The following SH3BP4 variants were observed in gnomAD, a reference collection of about 807,000 sequenced individuals.
SH3BP4 encodes the protein SH3 domain binding protein 4.
Under a neutral mutation model 65.5 loss-of-function variants are expected in SH3BP4, and 33 were observed. That is an observed-to-expected ratio of 0.50 (90% CI 0.38 to 0.67). The LOEUF (loss-of-function observed/expected upper bound fraction) is 0.67, where lower values mean the gene tolerates loss of function less well. SH3BP4 is among the 30% of genes least tolerant of loss of function. The pLI, the probability that SH3BP4 is intolerant of heterozygous loss-of-function variation, is 0.00. For synonymous variants in SH3BP4, 552 were observed against 545.5 expected (o/e 1.01, Z -0.17); for missense variants, 1,134 against 1,261.4 (o/e 0.90, Z 1.53).
chr2:235,045,656 T>C lies in SH3BP4; in HGVS notation c.2478+2409T>C, dbSNP rs1467409517. Among the ~76,000 whole-genome samples, 1 of 147,528 alleles carries C rather than the reference T, an allele frequency of 6.8e-6. No homozygotes were observed. ...TGTCAGTCATCATCTTGGCCAAACT[T>C]ATAGAAACCACAGACGGATTTCTCC... On this transcript the variant is annotated intron_variant, in intron 4 of 5. Coordinates refer to ENST00000392011, the MANE Select transcript of SH3BP4 (RefSeq NM_014521.3). The surrounding 1 kb of genome is among the most constrained non-coding windows in gnomAD (Gnocchi z 4.3).
chr2:235,002,439 A>T (rs1401871909), intron 2 of SH3BP4, among the ~76,000 whole-genome samples: 1 of 152,136 alleles, frequency 6.6e-6, no homozygotes, highest in Non-Finnish European at 1.5e-5. Context: ...TGAAGTCATC[A>T]AACCAAGGTC....
chr2:234,969,395 G>A (rs1214854141), intron 1 of SH3BP4, among the ~76,000 whole-genome samples: 2 of 152,142 alleles, frequency 1.3e-5, no homozygotes, highest in African/African-American at 2.4e-5. Context: ...GCCCTGGGAC[G>A]TCCCAGTGTG....
intron 1 of SH3BP4, among the ~76,000 whole-genome samples, chr2:234,993,690 A>C (rs549738109): frequency 6.6e-6 from 1 of 152,298 alleles, no homozygotes; most frequent in South Asian, 2.1e-4. Flanking sequence ...GAGATTTTCA[A>C]CTGTTCTGTC....
chr2:234,979,190 G>A (rs1432497721), intron 1 of SH3BP4, among the ~76,000 whole-genome samples: 5 of 152,138 alleles, frequency 3.3e-5, no homozygotes, highest in African/African-American at 1.2e-4. Flanking sequence ...CAAAAACAAT[G>A]AACACTTGTG....
intron 1 of SH3BP4, among the ~76,000 whole-genome samples, chr2:234,987,232 C>T (rs900370309): frequency 3.3e-5 from 5 of 151,800 alleles, no homozygotes; most frequent in Non-Finnish European, 7.4e-5. Flanking sequence ...TGAATGCTGG[C>T]GTTTGAGAAC....
Position 234,977,585 on chromosome 2 carries a change from G to A in SH3BP4, c.-206-17718G>A, listed in dbSNP as rs775686390. Among the ~76,000 whole-genome samples the A allele has an allele frequency of 2.0e-5, 3 of 152,166 alleles. No individual in the cohort carries two copies. The highest frequency in any genetic ancestry group is 6.5e-5 in the Admixed American group (1 of 15,284). ...ACTGGCAGGTGTTGGACCTGTGGCCGTGGTGCCAGCCCCCACTAATCCCAT... is the reference window on the plus strand; with the variant it reads ...ACTGGCAGGTGTTGGACCTGTGGCCATGGTGCCAGCCCCCACTAATCCCAT... On this transcript the variant is annotated intron_variant, in intron 1 of 5. Transcript: ENST00000392011. The surrounding 1 kb of genome is among the most constrained non-coding windows in gnomAD (Gnocchi z 5.1).
chr2:235,044,800 G>A (rs1574848370), intron 4 of SH3BP4, among the ~76,000 whole-genome samples: 2 of 152,352 alleles, frequency 1.3e-5, no homozygotes, highest in East Asian at 1.9e-4. Flanking sequence ...GACGCAGCCC[G>A]GCAGGAGTGG....
intron 2 of SH3BP4, among the ~76,000 whole-genome samples, chr2:235,014,563 TG>T (rs1222579043): frequency 6.6e-6 from 1 of 152,210 alleles, no homozygotes; most frequent in Non-Finnish European, 1.5e-5. Context: ...GGAAGCCTGA[TG>T]TCCACAATCA....
intron 4 of SH3BP4, among the ~76,000 whole-genome samples, chr2:235,051,712 C>T (rs536626616): frequency 6.6e-6 from 1 of 152,272 alleles, no homozygotes; most frequent in Non-Finnish European, 1.5e-5. Context: ...CTTCTGTTCT[C>T]TGTCTTCTTC....
At position 235,040,844 on chromosome 2, in the gene SH3BP4, G is replaced by A. The variant is rs780756365; in HGVS notation, c.119-44G>A. 4.5e-5 allele frequency: 70 copies of A among 1,557,822 alleles called. 1 individual carries two copies. Among genetic ancestry groups the A allele is most frequent in the South Asian group, 4.4e-4 (38 of 86,230 alleles). On this transcript the variant is annotated intron_variant, in intron 3 of 5. Transcript: ENST00000392011. Reference sequence around the variant, plus strand: ...CTTTGGGAAGCTCTCCGGACACCCCGCCGGCCTTGCCCTCACCATCTGTTT... The same window carrying A: ...CTTTGGGAAGCTCTCCGGACACCCCACCGGCCTTGCCCTCACCATCTGTTT...
At chr2:235,013,375 C>A (rs1331858484) in intron 2 of SH3BP4, among the ~76,000 whole-genome samples, 1 of 152,202 alleles carries the variant, frequency 6.6e-6, no homozygotes, top group African/African-American at 2.4e-5. Context: ...TCTGGGCAGT[C>A]CATGTGCTTC....
intron 2 of SH3BP4, among the ~76,000 whole-genome samples, chr2:235,012,258 TGCACACA>T (rs1352952233): frequency 3.3e-5 from 5 of 152,170 alleles, no homozygotes; most frequent in African/African-American, 1.2e-4. Flanking sequence ...GGGTCCCTGC[TGCACACA>T]GCACAGTTCA....
intron 1 of SH3BP4, among the ~76,000 whole-genome samples, chr2:234,975,037 G>A (rs1422031910): frequency 6.6e-6 from 1 of 152,182 alleles, no homozygotes; most frequent in African/African-American, 2.4e-5. Flanking sequence ...TGCAATTCTC[G>A]GAGTTTCAGG....
In SH3BP4 at chr2:235,052,681, G is replaced by A. The variant is rs1225757771; in HGVS notation, c.2598G>A (p.Lys866=). The change falls in exon 5 of 6, where the codon AAG becomes AAA. Residue 866 remains lysine (K), a synonymous_variant. Coordinates refer to ENST00000392011, the MANE Select transcript of SH3BP4 (RefSeq NM_014521.3). The surrounding 1 kb of genome is among the most constrained non-coding windows in gnomAD (Gnocchi z 5.0). ...GGGAGCTGGCTGAGAAGCTGGCCAA[G>A]GTCTCCAAGCAGCAGATGGACGCCT... ...RWRELAEKLA[K]VSKQQMDAYE... 1 of 1,602,758 alleles carries A rather than the reference G, an allele frequency of 6.2e-7. No homozygotes were observed. The highest frequency in any genetic ancestry group is 1.7e-5 in the Admixed American group (1 of 58,868).
chr2:234,959,991 A>G (rs1185973453), intron 1 of SH3BP4, among the ~76,000 whole-genome samples: 1 of 152,228 alleles, frequency 6.6e-6, no homozygotes, highest in Non-Finnish European at 1.5e-5. Flanking sequence ...TAAGAGATAA[A>G]TGGAGTATTA....
At chr2:235,009,690 C>T (rs1185361187) in intron 2 of SH3BP4, among the ~76,000 whole-genome samples, 1 of 152,124 alleles carries the variant, frequency 6.6e-6, no homozygotes, top group Admixed American at 6.5e-5. Flanking sequence ...CTCTATGGAT[C>T]TCTCCCCAAA....
intron 2 of SH3BP4, among the ~76,000 whole-genome samples, chr2:234,999,388 C>T (rs1341464200): frequency 1.3e-5 from 2 of 152,148 alleles, no homozygotes; most frequent in Non-Finnish European, 2.9e-5. Flanking sequence ...GAAATCTGCT[C>T]CCATTTTGAA....
intron 1 of SH3BP4, among the ~76,000 whole-genome samples, chr2:234,966,947 C>G (rs180684596): frequency 6.6e-6 from 1 of 152,278 alleles, no homozygotes; most frequent in Non-Finnish European, 1.5e-5. Context: ...TTTATGTATT[C>G]CCTCTTTCTG....
chr2:235,044,614 T>C (rs906754634), intron 4 of SH3BP4, among the ~76,000 whole-genome samples: 1 of 152,244 alleles, frequency 6.6e-6, no homozygotes, highest in African/African-American at 2.4e-5. Context: ...GCATCCTAGC[T>C]TCTGAGAGGC....
Sources: allele counts gnomAD v4.1 joint callset (sites outside exome capture counted in the v4.1 genomes callset), GRCh38; gene constraint gnomAD v4.1.1; non-coding constraint Gnocchi (gnomAD v3.1); transcripts MANE v1.5; gene names NCBI Gene and HGNC (gene_info 2026-07-23, HGNC 2026-07-21).